Variants in DSG4 observed in about 807,000 individuals in gnomAD.
DSG4 encodes desmoglein 4, also known as desmoglein-4.
A neutral mutation model predicts 93.1 loss-of-function variants in DSG4; 87 were observed. That is an observed-to-expected ratio of 0.93 (90% confidence interval 0.79 to 1.12). The LOEUF is 1.12. Ranked by LOEUF, DSG4 falls within the 50% of genes most tolerant of loss-of-function variation. The pLI is 0.00. For missense variants in DSG4, 1,373 were observed against 1,285.7 expected, an observed-to-expected ratio of 1.07 and a Z score of -1.04; for synonymous variants, 432 against 452.9, an observed-to-expected ratio of 0.95 and a Z score of 0.59.
At chr18:31,393,072 T>A (rs931813162) in intron 8 of DSG4, among the ~76,000 whole-genome samples, 2 of 152,220 alleles carry the variant, frequency 1.3e-5, no homozygotes, top group African/African-American at 2.4e-5. Flanking sequence ...TAGAAACGAA[T>A]AAAACCACAA....
At chr18:31,393,863 T>C (rs2072276186) in intron 8 of DSG4, among the ~76,000 whole-genome samples, 1 of 152,184 alleles carries the variant, frequency 6.6e-6, no homozygotes, top group Admixed American at 6.5e-5. Flanking sequence ...TGAAATCATA[T>C]GGTATATTAA....
chr18:31,411,114 T>C (rs1393480080), intron 14 of DSG4, 117 bp from the exon 15 acceptor site: 1 of 1,604,286 alleles, frequency 6.2e-7, no homozygotes, highest in South Asian at 1.1e-5. Context: ...TGTCAGCTTT[T>C]TAGCGCCTAC....
At chr18:31,412,483 T>C (rs1381683341) in intron 15 of DSG4, among the ~76,000 whole-genome samples, 2 of 152,214 alleles carry the variant, frequency 1.3e-5, no homozygotes, top group East Asian at 3.8e-4. Context: ...AACAATAATT[T>C]ATTACACATT....
rs1033047074 is a variant in DSG4 at position 31,390,784 on chromosome 18, G to A, written c.646G>A (p.Gly216Arg). ...CATGTTCATTCTGAATAGGTACACTGGAGAAGTCTGCACCATGTCCAGTTT... is the reference window on the plus strand; with the variant it reads ...CATGTTCATTCTGAATAGGTACACTAGAGAAGTCTGCACCATGTCCAGTTT... ...APMFILNRYT[G>R]EVCTMSSFLD... The change falls in exon 6 of 16, where the codon GGA (glycine) becomes AGA (arginine). Residue 216 changes from glycine (G) to arginine (R), a missense_variant. Physicochemically the swap from Gly to Arg is moderately radical, Grantham distance 125. Coordinates refer to ENST00000308128, the MANE Select transcript of DSG4 (RefSeq NM_177986.5). 3.1e-6 allele frequency: 5 copies of A among 1,613,582 alleles called. No homozygotes were observed. Among genetic ancestry groups the A allele is most frequent in the Middle Eastern group, 1.6e-4 (1 of 6,080 alleles).
chr18:31,411,099 C>A, intron 14 of DSG4, 132 bp from the exon 15 acceptor site: 1 of 1,588,212 alleles, frequency 6.3e-7, no homozygotes, highest in South Asian at 1.1e-5. Flanking sequence ...ACTTGTATCT[C>A]TCTTTGTCAG....
chr18:31,409,461 T>A lies in DSG4; in HGVS notation c.1943T>A (p.Leu648His), dbSNP rs1437093271. The change falls in exon 13 of 16, where the codon CTC (leucine) becomes CAC (histidine). Residue 648 changes from leucine (L) to histidine (H), a missense_variant. Leu to His is a moderately conservative substitution (Grantham distance 99). Transcript: ENST00000308128. Reference sequence around the variant, plus strand: ...TCACTTTCTTGGGCAGTGGCTCCACTCTTGCTGCTCCTGTGTTGCTGCAAA... The same window carrying A: ...TCACTTTCTTGGGCAGTGGCTCCACACTTGCTGCTCCTGTGTTGCTGCAAA... ...LGILLLILAPLLLLLCCCKQR... is the reference protein window; with the variant it reads ...LGILLLILAPHLLLLCCCKQR... 6.2e-7 allele frequency: 1 copy of A among 1,614,190 alleles called. No homozygotes were observed. Among genetic ancestry groups the A allele is most frequent in the South Asian group, 1.1e-5 (1 of 91,070 alleles).
chr18:31,407,734 A>T (rs1161591970), intron 12 of DSG4, among the ~76,000 whole-genome samples: 1 of 152,222 alleles, frequency 6.6e-6, no homozygotes, highest in Non-Finnish European at 1.5e-5. Context: ...AAAGATCATG[A>T]GTGATTCTCA....
At chr18:31,396,053 C>G (rs1039628686) in intron 8 of DSG4, among the ~76,000 whole-genome samples, 1 of 152,148 alleles carries the variant, frequency 6.6e-6, no homozygotes, top group Non-Finnish European at 1.5e-5. Flanking sequence ...ATGAAAGTCT[C>G]TCTGTCAATA....
intron 1 of DSG4, among the ~76,000 whole-genome samples, chr18:31,383,002 C>T (rs1250751479): frequency 6.6e-6 from 1 of 152,186 alleles, no homozygotes; most frequent in Admixed American, 6.5e-5. Flanking sequence ...TCCGTTTAAA[C>T]TACAGACAAG....
At position 31,387,715 on chromosome 18, in the gene DSG4, TA is replaced by T. The variant is rs144050233; in HGVS notation, c.217-646del. ...CTTTATTTGACTGTGAATGTGTGGG[TA>T]AAAAATCTTACTATTTTACTGAATG... is the stretch of plus-strand genomic sequence containing the variant. On this transcript the variant is annotated intron_variant, in intron 3 of 15. Transcript: ENST00000308128. Among the ~76,000 whole-genome samples, 1,426 of 152,226 alleles carry T rather than the reference TA, an allele frequency of 9.4e-3. 17 individuals carry two copies. The highest frequency in any genetic ancestry group is 0.032 in the African/African-American group (1,335 of 41,558).
chr18:31,379,108 G>C (rs1411325459), intron 1 of DSG4, among the ~76,000 whole-genome samples: 1 of 152,134 alleles, frequency 6.6e-6, no homozygotes, highest in Non-Finnish European at 1.5e-5. Flanking sequence ...CGAGTCATTT[G>C]GCATTTTCTT....
chr18:31,405,580 A>G (rs1382579745), intron 11 of DSG4, among the ~76,000 whole-genome samples: 1 of 151,864 alleles, frequency 6.6e-6, no homozygotes, highest in East Asian at 1.9e-4. Context: ...AAAAAAAAAA[A>G]GAAAGAAAGA....
At position 31,392,312 on chromosome 18, in the gene DSG4, C is replaced by A; in HGVS notation, c.977C>A (p.Thr326Asn). The change falls in exon 8 of 16, where the codon ACC becomes AAC. Residue 326 changes from threonine (T) to asparagine (N), a missense_variant. By Grantham distance (65) the Thr-to-Asn change is moderately conservative (BLOSUM62 0). Transcript: ENST00000308128. ...TTCGATATTCAAACAGATCCACAAA[C>A]CAATGAAGGCATTTTGAAAGTTGTC... ...NWFDIQTDPQ[T>N]NEGILKVVKM... is the part of the protein sequence containing the mutation. 1.9e-6 allele frequency: 3 copies of A among 1,613,658 alleles called. No individual in the cohort carries two copies. The highest frequency in any genetic ancestry group is 2.5e-6 in the Non-Finnish European group (3 of 1,179,786).
rs149468841 is a variant in DSG4 at position 31,378,718 on chromosome 18, A to T, written c.48+1759A>T. On this transcript the variant is annotated intron_variant, in intron 1 of 15. Coordinates refer to ENST00000308128, the MANE Select transcript of DSG4 (RefSeq NM_177986.5). ...ATTTTTTTTCTTTATGCTTGTCTAAAAGATCCCTTACCATATCAATTAATA... is the reference window on the plus strand; with the variant it reads ...ATTTTTTTTCTTTATGCTTGTCTAATAGATCCCTTACCATATCAATTAATA... 2.3e-4 allele frequency among the ~76,000 whole-genome samples: 35 copies of T among 152,312 alleles called. 1 individual carries two copies. The South Asian group carries it at 5.6e-3, about 24-fold the overall frequency.
chr18:31,378,802 G>T (rs887601158), intron 1 of DSG4, among the ~76,000 whole-genome samples: 6 of 152,126 alleles, frequency 3.9e-5, no homozygotes, highest in African/African-American at 1.4e-4. Context: ...ACAAATACAA[G>T]AATTGTTTAA....
Position 31,403,325 on chromosome 18 carries a change from C to A in DSG4, c.1418-91C>A, listed in dbSNP as rs565059597. On this transcript the variant is annotated intron_variant, in intron 10 of 15. Coordinates refer to ENST00000308128, the MANE Select transcript of DSG4 (RefSeq NM_177986.5). ...GCCTCCCAAGTCACGTATATGTTTC[C>A]TACAAGTTCCATGGCATCATCAGGG... 16 of 1,108,614 alleles carry A rather than the reference C, an allele frequency of 1.4e-5. No individual in the cohort carries two copies. In the Admixed American group the frequency reaches 2.2e-4, roughly 15 times the overall value. The allele number at this position is 1,108,614 out of a possible 1,614,324, so 68.7% of individuals were successfully genotyped here.
At chr18:31,384,999 G>A in intron 1 of DSG4, 137 bp from the exon 2 acceptor site, 2 of 780,988 alleles carry the variant, frequency 2.6e-6, no homozygotes, top group South Asian at 1.6e-5. Flanking sequence ...ATTTGTGTTA[G>A]CCATGTTTAT....
chr18:31,413,724 A>T lies in DSG4; in HGVS notation c.*129A>T. The T allele has an allele frequency of 8.1e-7, 1 of 1,233,034 alleles. No homozygotes were observed. 76.4% of individuals were successfully genotyped at this position (1,233,034 alleles called of 1,614,324 possible). A position where few individuals can be genotyped will look rare whatever the true frequency, so the allele number is the denominator to read the frequency against. ...ACTCAGATATTCTAAGGTCAATGCC[A>T]TTATTTGATTATACCATTTTGAGGG... On this transcript the variant is annotated 3_prime_UTR_variant, in exon 16 of 16. Coordinates refer to ENST00000308128, the MANE Select transcript of DSG4 (RefSeq NM_177986.5).
intron 8 of DSG4, among the ~76,000 whole-genome samples, chr18:31,395,765 C>T (rs546208642): frequency 3.3e-5 from 5 of 152,212 alleles, no homozygotes; most frequent in Non-Finnish European, 7.4e-5. Flanking sequence ...CTTTGGGAGG[C>T]CAAGGCGGGA....
Sources: allele counts gnomAD v4.1 joint callset (sites outside exome capture counted in the v4.1 genomes callset), GRCh38; gene constraint gnomAD v4.1.1; transcripts MANE v1.5; gene names NCBI Gene and HGNC (gene_info 2026-07-23, HGNC 2026-07-21).